Variants in RFTN1 observed in about 807,000 individuals in gnomAD.
RFTN1 encodes raftlin.
In RFTN1, 26 loss-of-function variants were observed where a neutral mutation model predicts 46.5. That is an observed-to-expected ratio of 0.56 (90% CI 0.41 to 0.78). The LOEUF is 0.78. Among genes scored for constraint, RFTN1 ranks in the 30% least tolerant of loss-of-function variants. RFTN1 has a pLI of 0.00. For missense variants in RFTN1, 693 were observed against 718.7 expected, an observed-to-expected ratio of 0.96 and a Z score of 0.41; for synonymous variants, 261 against 284.2, an observed-to-expected ratio of 0.92 and a Z score of 0.82.
rs2075821912 is a variant in RFTN1 at position 16,451,417 on chromosome 3, C to G, written c.146-17380G>C. Among the ~76,000 whole-genome samples the G allele has an allele frequency of 6.6e-6, 1 of 152,232 alleles. No individual in the cohort carries two copies. The highest frequency in any genetic ancestry group is 1.5e-5 in the Non-Finnish European group (1 of 68,044). ...CACCCATGACTTTCTGCTTCATTAG[C>G]TGGCTTGTAGGCTAACCAACAGCTG... On this transcript the variant is annotated intron_variant, in intron 2 of 9. Coordinates refer to ENST00000334133, the MANE Select transcript of RFTN1 (RefSeq NM_015150.2). The surrounding 1 kb of genome is among the most constrained non-coding windows in gnomAD (Gnocchi z 4.2).
chr3:16,510,045 G>A lies in RFTN1; in HGVS notation c.-9+3397C>T, dbSNP rs183265203. Among the ~76,000 whole-genome samples the A allele has an allele frequency of 5.3e-5, 8 of 152,328 alleles. No homozygotes were observed. In the East Asian group the frequency reaches 1.5e-3, roughly 29 times the overall value. On this transcript the variant is annotated intron_variant, in intron 1 of 9. Coordinates refer to ENST00000334133, the MANE Select transcript of RFTN1 (RefSeq NM_015150.2). ...GCTTTGGCTGTTGGCACCACAGAGA[G>A]GGACTAAGTTATTAGGGGACCCGAG...
chr3:16,378,392 A>T, intron 4 of RFTN1, among the ~76,000 whole-genome samples: 1 of 147,578 alleles, frequency 6.8e-6, no homozygotes, highest in South Asian at 2.2e-4. Flanking sequence ...GTCCTTATTA[A>T]CATTTTTTAA....
rs2075246752 is a variant in RFTN1, at chr3:16,424,175, C to T, written c.332+9676G>A. Among the ~76,000 whole-genome samples, 1 of 152,158 alleles carries T rather than the reference C, an allele frequency of 6.6e-6. No individual in the cohort carries two copies. The highest frequency in any genetic ancestry group is 2.4e-5 in the African/African-American group (1 of 41,436). ...AATTCTCTGAGGATGTTTCTATAAG[C>T]TCTGGGGCCTCTGAGTTGAAAGATG... is the stretch of plus-strand genomic sequence containing the variant. On this transcript the variant is annotated intron_variant, in intron 3 of 9. Transcript: ENST00000334133. This position sits in a 1 kb window ranked among gnomAD's most constrained non-coding sequence, Gnocchi z 4.7.
rs367972919 is a variant in RFTN1, at chr3:16,353,728, G to A, written c.1146+4204C>T. 2.7e-4 allele frequency among the ~76,000 whole-genome samples: 41 copies of A among 152,248 alleles called. 1 individual carries two copies. The East Asian group carries it at 3.9e-3, about 14-fold the overall frequency. ...AACAGGATTAGTGTCCTTATAAGAA[G>A]AGACACCAGAGTAGCCCCCTCCCAC... On this transcript the variant is annotated intron_variant, in intron 7 of 9. Transcript: ENST00000334133. This position sits in a 1 kb window ranked among gnomAD's most constrained non-coding sequence, Gnocchi z 5.4.
intron 4 of RFTN1, among the ~76,000 whole-genome samples, chr3:16,405,580 C>G (rs1227424491): frequency 6.6e-6 from 1 of 152,162 alleles, no homozygotes; most frequent in Non-Finnish European, 1.5e-5. Context: ...GCGTCTTCAG[C>G]TAATTTTACA....
chr3:16,450,157 G>A lies in RFTN1; in HGVS notation c.146-16120C>T, dbSNP rs2075799628. 1.3e-5 allele frequency among the ~76,000 whole-genome samples: 2 copies of A among 152,192 alleles called. No individual in the cohort carries two copies. Among genetic ancestry groups the A allele is most frequent in the African/African-American group, 2.4e-5 (1 of 41,446 alleles). ...TATTTCTCTGAAAGAGTCATAAAATGTCAGCTTCTCCACTTTCCTTCCTAA... is the reference window on the plus strand; with the variant it reads ...TATTTCTCTGAAAGAGTCATAAAATATCAGCTTCTCCACTTTCCTTCCTAA... On this transcript the variant is annotated intron_variant, in intron 2 of 9. Transcript: ENST00000334133. The surrounding 1 kb of genome is among the most constrained non-coding windows in gnomAD (Gnocchi z 4.6).
rs118099956 is a variant in RFTN1, at chr3:16,341,317, A to G, written c.1147-14441T>C. Among the ~76,000 whole-genome samples, 4,581 of 152,330 alleles carry G rather than the reference A, an allele frequency of 0.03. 103 individuals are homozygous for G. Among genetic ancestry groups the G allele is most frequent in the Middle Eastern group, 0.082 (24 of 294 alleles). On this transcript the variant is annotated intron_variant, in intron 7 of 9. Coordinates refer to ENST00000334133, the MANE Select transcript of RFTN1 (RefSeq NM_015150.2). The surrounding 1 kb of genome is among the most constrained non-coding windows in gnomAD (Gnocchi z 4.7). ...CATACTCCTTGGTATTTACCCAAATAAGCTGAAAACTTTTGTCCACACAGA... is the reference window on the plus strand; with the variant it reads ...CATACTCCTTGGTATTTACCCAAATGAGCTGAAAACTTTTGTCCACACAGA...
Position 16,446,885 on chromosome 3 carries a change from C to A in RFTN1, c.146-12848G>T, listed in dbSNP as rs1411609612. ...TTTCACACTGGTTTATCAATAAAGT[C>A]TTAGGTGAATTTTCAAAAGCTTCTG... On this transcript the variant is annotated intron_variant, in intron 2 of 9. Transcript: ENST00000334133. This position sits in a 1 kb window ranked among gnomAD's most constrained non-coding sequence, Gnocchi z 4.5. 6.6e-6 allele frequency among the ~76,000 whole-genome samples: 1 copy of A among 152,128 alleles called. No homozygotes were observed. The highest frequency in any genetic ancestry group is 1.9e-4 in the East Asian group (1 of 5,204).
intron 5 of RFTN1, among the ~76,000 whole-genome samples, chr3:16,373,628 A>G (rs969724579): frequency 6.6e-5 from 10 of 152,230 alleles, no homozygotes. Flanking sequence ...CTGCTGTCCC[A>G]GGAGACCTCT....
In RFTN1 at chr3:16,402,232, AG is replaced by A. The variant is rs1175769588; in HGVS notation, c.441+7142del. On this transcript the variant is annotated intron_variant, in intron 4 of 9. Transcript: ENST00000334133. This position sits in a 1 kb window ranked among gnomAD's most constrained non-coding sequence, Gnocchi z 4.5. ...CCTTCAATGACACGAAGGTTTAGTG[AG>A]TATTCCTCTTTCTCTTTCAATGTAT... 5.9e-5 allele frequency among the ~76,000 whole-genome samples: 9 copies of A among 152,142 alleles called. No homozygotes were observed. Among genetic ancestry groups the A allele is most frequent in the Non-Finnish European group, 1.2e-4 (8 of 68,028 alleles).
intron 4 of RFTN1, among the ~76,000 whole-genome samples, chr3:16,396,262 G>C (rs1433557850): frequency 6.6e-6 from 1 of 152,134 alleles, no homozygotes; most frequent in African/African-American, 2.4e-5. Context: ...GGAGAAACCA[G>C]TGCATCTTTT....
In RFTN1 at chr3:16,317,272, G is replaced by T; in HGVS notation, c.1333-40C>A. On this transcript the variant is annotated intron_variant, in intron 9 of 9. Coordinates refer to ENST00000334133, the MANE Select transcript of RFTN1 (RefSeq NM_015150.2). The surrounding 1 kb of genome is among the most constrained non-coding windows in gnomAD (Gnocchi z 4.3). ...GGATGGGGATAAATAACAAGCCTCC[G>T]GGAACCCAGAGCTTCACCCAAAGCC... 2 of 1,599,358 alleles carry T rather than the reference G, an allele frequency of 1.3e-6. No homozygotes were observed. Among genetic ancestry groups the T allele is most frequent in the African/African-American group, 1.3e-5 (1 of 74,256 alleles).
In RFTN1 at chr3:16,317,408, C is replaced by T. The variant is rs1353797892; in HGVS notation, c.1333-176G>A. ...GAATCGCACACTATCACATCACACC[C>T]ACCCCAAGAGCCTGCACCACACCTT... On this transcript the variant is annotated intron_variant, in intron 9 of 9. Coordinates refer to ENST00000334133, the MANE Select transcript of RFTN1 (RefSeq NM_015150.2). The surrounding 1 kb of genome is among the most constrained non-coding windows in gnomAD (Gnocchi z 4.3). 6.6e-6 allele frequency among the ~76,000 whole-genome samples: 1 copy of T among 152,078 alleles called. No individual in the cohort carries two copies. Among genetic ancestry groups the T allele is most frequent in the East Asian group, 1.9e-4 (1 of 5,170 alleles).
Position 16,413,609 on chromosome 3 carries a change from AAAAG to A in RFTN1, c.333-4130_333-4127del, listed in dbSNP as rs2075015219. On this transcript the variant is annotated intron_variant, in intron 3 of 9. Coordinates refer to ENST00000334133, the MANE Select transcript of RFTN1 (RefSeq NM_015150.2). The surrounding 1 kb of genome is among the most constrained non-coding windows in gnomAD (Gnocchi z 4.7). ...AGAGATCTGGTTTTAAACAGTAAGA[AAAAG>A]AAAACACAGAATGCATTTCTGGAGA... Among the ~76,000 whole-genome samples, 1 of 152,234 alleles carries A rather than the reference AAAAG, an allele frequency of 6.6e-6. No homozygotes were observed.
intron 2 of RFTN1, among the ~76,000 whole-genome samples, chr3:16,476,788 C>T (rs1264663456): frequency 6.6e-6 from 1 of 152,196 alleles, no homozygotes; most frequent in Non-Finnish European, 1.5e-5. Context: ...TCCTACAAAT[C>T]AGATATAGCT....
intron 7 of RFTN1, among the ~76,000 whole-genome samples, chr3:16,354,068 G>A (rs192862313): frequency 6.6e-6 from 1 of 152,314 alleles, no homozygotes; most frequent in Admixed American, 6.5e-5. Context: ...TCTACCTTGG[G>A]CTGAACCAAA....
chr3:16,472,200 C>T (rs1280712727), intron 2 of RFTN1: 1 of 151,620 alleles, frequency 6.6e-6, no homozygotes, highest in South Asian at 2.1e-4. Context: ...ATTGTTATAC[C>T]TGTTTGTGAA....
chr3:16,482,537 T>C (rs1301706349), intron 2 of RFTN1, among the ~76,000 whole-genome samples: 1 of 151,846 alleles, frequency 6.6e-6, no homozygotes, highest in Non-Finnish European at 1.5e-5. Context: ...TCCTTAAGAG[T>C]AAAGAATTGA....
intron 3 of RFTN1, among the ~76,000 whole-genome samples, chr3:16,412,143 A>G (rs2074991138): frequency 6.6e-6 from 1 of 152,266 alleles, no homozygotes; most frequent in Non-Finnish European, 1.5e-5. Context: ...TAGATGAACC[A>G]TGGAAAATTA....
Sources: gnomAD v4.1 joint callset for allele counts (sites outside exome capture counted in the v4.1 genomes callset) on GRCh38, gnomAD v4.1.1 for gene constraint, Gnocchi (gnomAD v3.1) non-coding constraint, MANE v1.5 for transcripts, NCBI Gene and HGNC (gene_info 2026-07-23, HGNC 2026-07-21) for gene names.